Variants in IFI16 observed in about 807,000 individuals in gnomAD.
The protein encoded by IFI16 is interferon gamma inducible protein 16.
A neutral mutation model predicts 68.4 loss-of-function variants in IFI16; 49 were observed. The observed-to-expected ratio is 0.72, with a 90% CI of 0.57 to 0.91. IFI16 has a LOEUF of 0.91. IFI16 is among the 40% of genes least tolerant of loss of function. The pLI is 0.00. For missense variants in IFI16, 878 were observed against 942.9 expected (o/e 0.93, Z 0.90); for synonymous variants, 307 against 315.0 (o/e 0.97, Z 0.27).
chr1:159,043,738 A>G (rs12048372), intron 7 of IFI16, among the ~76,000 whole-genome samples: 150,558 of 152,212 alleles, frequency 0.99, 74,478 homozygotes, highest in Non-Finnish European at 1. Flanking sequence ...AGGGTAGGGT[A>G]GAGGAGGATT....
At position 159,013,420 on chromosome 1, in the gene IFI16, G is replaced by A. The variant is rs542761003; in HGVS notation, c.-20-1241G>A. Among the ~76,000 whole-genome samples the A allele has an allele frequency of 1.8e-3, 271 of 151,998 alleles. 1 individual carries two copies. The highest frequency in any genetic ancestry group is 3.5e-3 in the Admixed American group (54 of 15,262). On this transcript the variant is annotated intron_variant, in intron 1 of 11. Coordinates refer to ENST00000295809, the MANE Select transcript of IFI16 (RefSeq NM_001376587.1). ...CCGGAACTTGTGATTCGACCACCTC[G>A]GCCTCCCAACATGCTGGAATTACAG...
At chr1:159,053,777 T>C (rs1655508753) in intron 11 of IFI16, 53 bp downstream of exon 11, 1 of 1,415,264 alleles carries the variant, frequency 7.1e-7, no homozygotes, top group South Asian at 1.2e-5. Context: ...ATTTTGTTTA[T>C]ACTTTAAGAA....
intron 6 of IFI16, among the ~76,000 whole-genome samples, chr1:159,024,272 C>T (rs965354022): frequency 1.3e-5 from 2 of 152,180 alleles, no homozygotes; most frequent in South Asian, 2.1e-4. Flanking sequence ...ACCGAGGCTA[C>T]TGAAGAAGGG....
upstream of IFI16, among the ~76,000 whole-genome samples, chr1:159,005,093 C>T (rs1262375246): frequency 6.6e-6 from 1 of 152,108 alleles, no homozygotes; most frequent in Non-Finnish European, 1.5e-5. Context: ...GCCACTCTAA[C>T]GGGCATGTAG....
At chr1:159,046,519 A>C (rs1654994732) in intron 8 of IFI16, among the ~76,000 whole-genome samples, 1 of 151,234 alleles carries the variant, frequency 6.6e-6, no homozygotes. Flanking sequence ...AATAATTGCT[A>C]TTTTTTCCTG....
At chr1:159,006,943 G>T (rs1295744809), upstream of IFI16, among the ~76,000 whole-genome samples, 2 of 152,134 alleles carry the variant, frequency 1.3e-5, no homozygotes, top group Non-Finnish European at 2.9e-5. Context: ...AATTGAATTG[G>T]CCTTTACCTT....
At position 159,052,019 on chromosome 1, in the gene IFI16, C is replaced by T. The variant is rs377522257; in HGVS notation, c.2006C>T (p.Ala669Val). The T allele has an allele frequency of 6.2e-7, 1 of 1,613,904 alleles. No individual in the cohort carries two copies. Among genetic ancestry groups the T allele is most frequent in the Non-Finnish European group, 8.5e-7 (1 of 1,179,894 alleles). The change falls in exon 10 of 12, where the codon GCC becomes GTC. Residue 669 changes from alanine (A) to valine (V), a missense_variant. This residue lies in a region of IFI16 where 311 missense variants were observed against 305.1 expected (regional missense o/e 1.02). Coordinates refer to ENST00000295809, the MANE Select transcript of IFI16 (RefSeq NM_001376587.1). ...MEIPKGLIRSASVTPKINQLC... is the reference protein window; with the variant it reads ...MEIPKGLIRSVSVTPKINQLC... The stretch of plus-strand genomic sequence containing the variant: ...ATCCCAAAAGGATTGATTAGAAGTG[C>T]CAGCGTAACTCCTAAAATCAATCAG...
chr1:159,053,381 A>G, intron 10 of IFI16, 152 bp from the exon 11 acceptor site: 1 of 460,026 alleles, frequency 2.2e-6, no homozygotes, highest in Non-Finnish European at 3.9e-6. Context: ...TCAAAGACCA[A>G]GTATCTTAAG....
At chr1:159,030,509 C>G (rs569002449) in intron 6 of IFI16, among the ~76,000 whole-genome samples, 2 of 152,268 alleles carry the variant, frequency 1.3e-5, no homozygotes, top group Non-Finnish European at 1.5e-5. Context: ...GTGGTGCTCT[C>G]CCCCTTCTCC....
At chr1:159,016,737 T>C (rs749788247) in intron 4 of IFI16, 37 bp downstream of exon 4, 1 of 1,579,348 alleles carries the variant, frequency 6.3e-7, no homozygotes, top group Non-Finnish European at 8.6e-7. Flanking sequence ...TTTGTTTTTT[T>C]CAACCCAAAG....
At chr1:159,050,024 T>G (rs1378050603) in intron 9 of IFI16, among the ~76,000 whole-genome samples, 1 of 152,230 alleles carries the variant, frequency 6.6e-6, no homozygotes, top group Non-Finnish European at 1.5e-5. Flanking sequence ...CTTTTAACTG[T>G]CAGAAATCTC....
chr1:159,015,863 C>T lies in IFI16; in HGVS notation c.266-9C>T, dbSNP rs1652886704. 2 of 1,575,822 alleles carry T rather than the reference C, an allele frequency of 1.3e-6. No individual in the cohort carries two copies. Among genetic ancestry groups the T allele is most frequent in the African/African-American group, 2.7e-5 (2 of 74,116 alleles). On this transcript the variant is annotated splice_polypyrimidine_tract_variant and intron_variant, in intron 2 of 11. Transcript: ENST00000295809. ...GCATTGGTTGGGAATAAAATTGAATCTATTCCAGTAAAAGGACCAGCCCTA... is the reference window on the plus strand; with the variant it reads ...GCATTGGTTGGGAATAAAATTGAATTTATTCCAGTAAAAGGACCAGCCCTA...
At chr1:159,041,825 T>C (rs920995416) in intron 7 of IFI16, among the ~76,000 whole-genome samples, 1 of 152,060 alleles carries the variant, frequency 6.6e-6, no homozygotes, top group African/African-American at 2.4e-5. Context: ...AAAAGGGGGA[T>C]TTTGAAAAAA....
chr1:159,048,974 T>A (rs1198940374), intron 8 of IFI16, among the ~76,000 whole-genome samples: 1 of 151,336 alleles, frequency 6.6e-6, no homozygotes, highest in African/African-American at 2.4e-5. Flanking sequence ...ATGGCTACGA[T>A]CAGAGATCCC....
Position 159,051,986 on chromosome 1 carries a change from A to G in IFI16, c.1973A>G (p.Asn658Ser). Residue 658 changes from asparagine (N) to serine (S), a missense_variant, in exon 10 of 12, where the codon AAC becomes AGC. Asn to Ser is a conservative substitution (Grantham distance 46, BLOSUM62 1). Transcript: ENST00000295809. ...TLVADVNADR[N>S]MEIPKGLIRS... Reference sequence around the variant, plus strand: ...GTGGCTGATGTGAATGCTGACCGAAACATGGAGATCCCAAAAGGATTGATT... The same window carrying G: ...GTGGCTGATGTGAATGCTGACCGAAGCATGGAGATCCCAAAAGGATTGATT... 2.5e-6 allele frequency: 4 copies of G among 1,614,130 alleles called. No individual in the cohort carries two copies. Among genetic ancestry groups the G allele is most frequent in the Non-Finnish European group, 3.4e-6 (4 of 1,179,962 alleles).
chr1:159,034,237 AG>A (rs745528573), intron 7 of IFI16, among the ~76,000 whole-genome samples: 3 of 152,232 alleles, frequency 2.0e-5, no homozygotes, highest in Non-Finnish European at 4.4e-5. Flanking sequence ...GAAGAGCTGC[AG>A]GAAAGAGAAA....
rs948594615 is a variant in IFI16 at position 159,054,805 on chromosome 1, C to T, written c.2278-16C>T. ...AGCATCTCAACTGGTCTGTCTTTAT[C>T]TCTTTCTCCTTCAAGGTCATCAAGA... On this transcript the variant is annotated splice_polypyrimidine_tract_variant and intron_variant, in intron 11 of 11. Coordinates refer to ENST00000295809, the MANE Select transcript of IFI16 (RefSeq NM_001376587.1). The T allele has an allele frequency of 3.4e-6, 5 of 1,491,406 alleles. No homozygotes were observed. In the African/African-American group the frequency reaches 5.5e-5, roughly 16 times the overall value. The allele number at this position is 1,491,406 out of a possible 1,614,324, so 92.4% of individuals were successfully genotyped here.
Position 159,018,315 on chromosome 1 carries a change from A to T in IFI16, c.636A>T (p.Thr212=). 1 of 1,614,136 alleles carries T rather than the reference A, an allele frequency of 6.2e-7. No homozygotes were observed. Among genetic ancestry groups the T allele is most frequent in the Non-Finnish European group, 8.5e-7 (1 of 1,179,956 alleles). ...CAGTGATAGTGAAGGTACTGAGTAC[A>T]ACAAAGCCATTTGAATATGAGACCC... The part of the protein sequence containing the change: ...KRPVIVKVLS[T]TKPFEYETPE... Residue 212 remains threonine (T), a synonymous_variant, in exon 5 of 12, where the codon ACA becomes ACT. Coordinates refer to ENST00000295809, the MANE Select transcript of IFI16 (RefSeq NM_001376587.1).
intron 1 of IFI16, 130 bp downstream of exon 1, chr1:159,010,291 A>G (rs538361240): frequency 6.6e-6 from 1 of 152,356 alleles, no homozygotes; most frequent in African/African-American, 2.4e-5. Context: ...GTATTCAGAA[A>G]AGTGAAAACT....
Sources: allele counts gnomAD v4.1 joint callset (sites outside exome capture counted in the v4.1 genomes callset), GRCh38; gene constraint gnomAD v4.1.1; regional missense constraint gnomAD v4.1.1; transcripts MANE v1.5; gene names NCBI Gene and HGNC (gene_info 2026-07-23, HGNC 2026-07-21).